The following REXO5 variants were observed in gnomAD, a reference collection of about 807,000 sequenced individuals.
REXO5 encodes RNA exonuclease 5.
Under a neutral mutation model 88.5 loss-of-function variants are expected in REXO5, and 48 were observed. The ratio of observed to expected loss-of-function variants is 0.54; its 90% CI spans 0.43 to 0.69. The LOEUF (loss-of-function observed/expected upper bound fraction) is 0.69, where lower values mean the gene tolerates loss of function less well. Among genes scored for constraint, REXO5 ranks in the 30% least tolerant of loss-of-function variants. The probability of loss-of-function intolerance (pLI) is 0.00; values close to 1 mark genes in which losing one functional copy is unlikely to be tolerated. For synonymous variants in REXO5, 311 were observed against 336.5 expected (o/e 0.92, Z 0.83); for missense variants, 749 against 912.2 (o/e 0.82, Z 2.30).
At chr16:20,845,997 A>G (rs1168860624) in intron 18 of REXO5, among the ~76,000 whole-genome samples, 3 of 152,190 alleles carry the variant, frequency 2.0e-5, no homozygotes, top group Non-Finnish European at 4.4e-5. Flanking sequence ...GGAGGAAAGG[A>G]CAGTAGCTGT....
chr16:20,812,270 C>A (rs2081011161), intron 2 of REXO5, among the ~76,000 whole-genome samples: 2 of 152,066 alleles, frequency 1.3e-5, no homozygotes, highest in Admixed American at 6.6e-5. Flanking sequence ...GCTTGTAATC[C>A]CAGCACTTTG....
In REXO5 at chr16:20,849,520, T is replaced by C. The variant is rs752715679; in HGVS notation, c.*40T>C. The stretch of plus-strand genomic sequence containing the variant: ...TTTCCATGTGCCATTTCTTACCCCT[T>C]GTAGGCAATGGCAAAGAATGTGGTC... On this transcript the variant is annotated 3_prime_UTR_variant, in exon 20 of 20. Transcript: ENST00000261377. The C allele has an allele frequency of 6.4e-7, 1 of 1,574,670 alleles. No individual in the cohort carries two copies. The highest frequency in any genetic ancestry group is 8.7e-7 in the Non-Finnish European group (1 of 1,144,260).
At chr16:20,831,201 G>A (rs2081339293) in intron 11 of REXO5, among the ~76,000 whole-genome samples, 1 of 151,852 alleles carries the variant, frequency 6.6e-6, no homozygotes, top group African/African-American at 2.4e-5. Context: ...ATTGTTTTAG[G>A]TATTTTTGTG....
chr16:20,824,532 G>A lies in REXO5; in HGVS notation c.705+5G>A, dbSNP rs559946804. 51 of 1,575,248 alleles carry A rather than the reference G, an allele frequency of 3.2e-5. 1 individual carries two copies. The South Asian group carries it at 4.2e-4, about 13-fold the overall frequency. Reference sequence around the variant, plus strand: ...TTTGGACTTGACTGTGAAATGGCACGTACTACTTTTAATTTTTCAATTGGA... The same window carrying A: ...TTTGGACTTGACTGTGAAATGGCACATACTACTTTTAATTTTTCAATTGGA... On this transcript the variant is annotated splice_donor_5th_base_variant and intron_variant, in intron 7 of 19. Transcript: ENST00000261377.
At chr16:20,840,248 T>A (rs2081505954) in intron 14 of REXO5, 83 bp from the exon 15 acceptor site, 1 of 1,219,084 alleles carries the variant, frequency 8.2e-7, no homozygotes. Context: ...AAATCTTTGG[T>A]GAATAATCCC....
chr16:20,821,930 TA>T, intron 6 of REXO5, 28 bp downstream of exon 6: 1 of 1,522,240 alleles, frequency 6.6e-7, no homozygotes, highest in Admixed American at 2.4e-5. Flanking sequence ...CTGATATTGC[TA>T]ACAATGTAAG....
chr16:20,837,709 T>G (rs2081455645), intron 13 of REXO5, among the ~76,000 whole-genome samples: 1 of 152,178 alleles, frequency 6.6e-6, no homozygotes, highest in South Asian at 2.1e-4. Context: ...TTGATTTTTT[T>G]TTTTAGGGGG....
rs555466905 is a variant in REXO5, at chr16:20,808,105, A to G, written c.138+1014A>G. Among the ~76,000 whole-genome samples, 42 of 152,296 alleles carry G rather than the reference A, an allele frequency of 2.8e-4. No homozygotes were observed. The South Asian group carries it at 8.5e-3, about 31-fold the overall frequency. On this transcript the variant is annotated intron_variant, in intron 2 of 19. Coordinates refer to ENST00000261377, the MANE Select transcript of REXO5 (RefSeq NM_030941.3). ...GGTCCTAGGTGGCATGCTGCTTATGAGACTCTAATGATAAATGTAATGCAC... is the reference window on the plus strand; with the variant it reads ...GGTCCTAGGTGGCATGCTGCTTATGGGACTCTAATGATAAATGTAATGCAC...
At chr16:20,844,928 C>G (rs1316200164) in intron 17 of REXO5, 83 bp downstream of exon 17, 3 of 1,539,264 alleles carry the variant, frequency 1.9e-6, no homozygotes, top group Non-Finnish European at 2.7e-6. Context: ...GAAGATTCAC[C>G]TCCTGGGCTG....
In REXO5 at chr16:20,806,691, A is replaced by T; in HGVS notation, c.-17A>T. The T allele has an allele frequency of 9.7e-7, 1 of 1,034,124 alleles. No individual in the cohort carries two copies. The highest frequency in any genetic ancestry group is 1.4e-6 in the Non-Finnish European group (1 of 735,890). 64.1% of individuals were successfully genotyped at this position (1,034,124 alleles called of 1,614,324 possible). On this transcript the variant is annotated 5_prime_UTR_variant, in exon 1 of 20. Transcript: ENST00000261377. ...AGACGCCCGTTGTAGCCGTTGGGGA[A>T]CCGTTGAGAATCCGGTAACCGATGC...
At chr16:20,816,033 GAGGTGACAATAAAA>G in intron 4 of REXO5, 69 bp from the exon 5 acceptor site, 1 of 1,038,838 alleles carries the variant, frequency 9.6e-7, no homozygotes, top group Non-Finnish European at 1.5e-6. Flanking sequence ...TCAAAGCACT[GAGGTGACAATAAAA>G]GTCCAGGCCT....
intron 15 of REXO5, 75 bp downstream of exon 15, chr16:20,840,543 T>C: frequency 7.7e-7 from 1 of 1,292,808 alleles, no homozygotes; most frequent in South Asian, 2.0e-5. Flanking sequence ...GCCATGCAGA[T>C]AGCAAATATT....
At position 20,826,053 on chromosome 16, in the gene REXO5, A is replaced by G. The variant is rs536049825; in HGVS notation, c.821+105A>G. The G allele has an allele frequency of 5.7e-6, 4 of 698,928 alleles. No individual in the cohort carries two copies. In the South Asian group the frequency reaches 7.5e-5, roughly 13 times the overall value. The allele number at this position is 698,928 out of a possible 1,614,324, so 43.3% of individuals were successfully genotyped here. On this transcript the variant is annotated intron_variant, in intron 8 of 19. Transcript: ENST00000261377. ...CAGTTTAGTTAGGTTTTATCTACTT[A>G]AATATTATCAAAGGTTAGGGCATCA...
chr16:20,812,843 A>G (rs908672182), intron 2 of REXO5, among the ~76,000 whole-genome samples: 1 of 152,120 alleles, frequency 6.6e-6, no homozygotes, highest in Non-Finnish European at 1.5e-5. Context: ...CCTTGTTCTC[A>G]TAGCTTTGTA....
chr16:20,826,349 T>C (rs1421122841), intron 8 of REXO5, among the ~76,000 whole-genome samples: 1 of 152,220 alleles, frequency 6.6e-6, no homozygotes, highest in Non-Finnish European at 1.5e-5. Flanking sequence ...AACAAATATT[T>C]TTCATAACAG....
intron 19 of REXO5, among the ~76,000 whole-genome samples, chr16:20,847,259 CACA>C (rs1225869717): frequency 1.2e-3 from 21 of 17,548 alleles, no homozygotes; most frequent in African/African-American, 4.5e-3. Context: ...AAAACACACA[CACA>C]AAAAAAAAAA....
chr16:20,808,612 A>C (rs1054557735), intron 2 of REXO5, among the ~76,000 whole-genome samples: 5 of 108,424 alleles, frequency 4.6e-5, no homozygotes, highest in Non-Finnish European at 1.8e-5. Context: ...TAGGGATGTG[A>C]TTTTTTTTTT....
chr16:20,843,724 A>G (rs899910308), intron 15 of REXO5, among the ~76,000 whole-genome samples: 2 of 152,254 alleles, frequency 1.3e-5, no homozygotes, highest in African/African-American at 4.8e-5. Flanking sequence ...ATTTTAAATG[A>G]CAAAGTTATT....
In REXO5 at chr16:20,807,254, C is replaced by A. The variant is rs1016021193; in HGVS notation, c.138+163C>A. 7.6e-6 allele frequency: 6 copies of A among 790,814 alleles called. No homozygotes were observed. The African/African-American group carries it at 8.7e-5, about 11-fold the overall frequency. The allele number at this position is 790,814 out of a possible 1,614,324, so 49.0% of individuals were successfully genotyped here. A position where few individuals can be genotyped will look rare whatever the true frequency, so the allele number is the denominator to read the frequency against. Reference sequence around the variant, plus strand: ...ATGGGAATGAGTGTAATACCACCTTCCTGCAACAAGGCTGTCATTGGCTGT... The same window carrying A: ...ATGGGAATGAGTGTAATACCACCTTACTGCAACAAGGCTGTCATTGGCTGT... On this transcript the variant is annotated intron_variant, in intron 2 of 19. Coordinates refer to ENST00000261377, the MANE Select transcript of REXO5 (RefSeq NM_030941.3).
Sources: allele counts gnomAD v4.1 joint callset (sites outside exome capture counted in the v4.1 genomes callset), GRCh38; gene constraint gnomAD v4.1.1; transcripts MANE v1.5; gene names NCBI Gene and HGNC (gene_info 2026-07-23, HGNC 2026-07-21).